FGF14: variants seen among roughly 807,000 people sequenced by gnomAD.
FGF14 encodes the protein fibroblast growth factor 14.
A neutral mutation model predicts 25.5 loss-of-function variants in FGF14; 5 were observed. The observed-to-expected ratio is 0.20, with a 90% CI of 0.10 to 0.41. The LOEUF is 0.41. FGF14 is among the 10% of genes least tolerant of loss of function. The probability of loss-of-function intolerance (pLI) is 1.00; values close to 1 mark genes in which losing one functional copy is unlikely to be tolerated. For synonymous variants in FGF14, 138 were observed against 118.3 expected (o/e 1.17, Z -1.08); for missense variants, 222 against 320.1 (o/e 0.69, Z 2.34).
At chr13:101,964,460 C>T (rs1405723281) in intron 1 of FGF14, among the ~76,000 whole-genome samples, 3 of 152,166 alleles carry the variant, frequency 2.0e-5, no homozygotes, top group African/African-American at 7.2e-5. Flanking sequence ...GAACAGCCTG[C>T]TTTGCAAGGG....
At chr13:102,341,707 C>T (rs1490214756) in intron 1 of FGF14, among the ~76,000 whole-genome samples, 1 of 151,244 alleles carries the variant, frequency 6.6e-6, no homozygotes, top group East Asian at 1.9e-4. Context: ...AGACAGAAAG[C>T]TGACATACAG....
intron 3 of FGF14, among the ~76,000 whole-genome samples, chr13:101,784,276 A>T (rs1403280910): frequency 6.6e-6 from 1 of 152,170 alleles, no homozygotes; most frequent in African/African-American, 2.4e-5. Flanking sequence ...TCTGATCTTA[A>T]CTTCTATTAT....
chr13:102,261,552 T>C (rs2141118582), intron 1 of FGF14, among the ~76,000 whole-genome samples: 1 of 152,290 alleles, frequency 6.6e-6, no homozygotes, highest in South Asian at 2.1e-4. Flanking sequence ...CTACCCTCTC[T>C]TTCCCAAACC....
At chr13:102,269,604 G>T (rs1004028013) in intron 1 of FGF14, among the ~76,000 whole-genome samples, 3 of 151,868 alleles carry the variant, frequency 2.0e-5, no homozygotes. Flanking sequence ...GCTCAAGCTT[G>T]CCTTGAACTC....
chr13:102,093,116 A>T (rs1030584665), intron 1 of FGF14, among the ~76,000 whole-genome samples: 1 of 152,172 alleles, frequency 6.6e-6, no homozygotes, highest in Non-Finnish European at 1.5e-5. Flanking sequence ...GTTTTCAATA[A>T]ATGTATTAGA....
intron 1 of FGF14, among the ~76,000 whole-genome samples, chr13:102,059,667 G>A (rs950135824): frequency 6.6e-6 from 1 of 152,076 alleles, no homozygotes; most frequent in Non-Finnish European, 1.5e-5. Flanking sequence ...CATGGCCAAC[G>A]TGGTGAAACC....
intron 1 of FGF14, chr13:102,394,560 A>G (rs954131332): frequency 1.3e-5 from 2 of 152,278 alleles, no homozygotes; most frequent in Non-Finnish European, 2.9e-5. Flanking sequence ...CCCTAGGGTC[A>G]GAGGTCATCT....
intron 1 of FGF14, among the ~76,000 whole-genome samples, chr13:102,359,446 T>C (rs1288752377): frequency 2.0e-5 from 3 of 152,226 alleles, no homozygotes; most frequent in Non-Finnish European, 4.4e-5. Context: ...TCTGGCCACA[T>C]TTTGATGATG....
In FGF14 at chr13:102,046,622, A is replaced by G. The variant is rs532890852; in HGVS notation, c.209-171326T>C. ...TCATTGTTCCTACCTCAAATGACAC[A>G]ATTAACAAATTGTGAGTGCTGACGG... On this transcript the variant is annotated intron_variant, in intron 1 of 4. Transcript: ENST00000376131. Among the ~76,000 whole-genome samples, 34 of 152,314 alleles carry G rather than the reference A, an allele frequency of 2.2e-4. 1 individual carries two copies. Among genetic ancestry groups the G allele is most frequent in the Admixed American group, 1.8e-3 (28 of 15,294 alleles).
chr13:102,278,597 TGTAA>T (rs1444975375), intron 1 of FGF14, among the ~76,000 whole-genome samples: 7 of 151,296 alleles, frequency 4.6e-5, no homozygotes, highest in Admixed American at 2.0e-4. Context: ...GTGTAAGCAA[TGTAA>T]GTGTCACTCT....
chr13:101,873,315 A>G (rs763472725), intron 2 of FGF14, among the ~76,000 whole-genome samples: 5 of 152,164 alleles, frequency 3.3e-5, no homozygotes, highest in Non-Finnish European at 7.4e-5. Flanking sequence ...CTAGAGAAAA[A>G]ACACATAAAA....
chr13:102,080,540 C>T (rs1229285667), intron 1 of FGF14, among the ~76,000 whole-genome samples: 2 of 152,324 alleles, frequency 1.3e-5, no homozygotes, highest in Admixed American at 6.5e-5. Flanking sequence ...ATTTAATAAT[C>T]ACTCTCTTGA....
chr13:102,401,741 T>C (rs918838277), exon 1 of FGF14: 24 of 1,352,808 alleles, frequency 1.8e-5, no homozygotes, highest in Non-Finnish European at 2.3e-5. Context: ...TATATTTCTT[T>C]GAGACTTCTC....
At position 101,712,143 on chromosome 13, in the gene FGF14, T is replaced by G. The variant is rs1159631944; in HGVS notation, c.*10688A>C. The G allele has an allele frequency of 6.6e-6, 1 of 152,250 alleles. No homozygotes were observed. Among genetic ancestry groups the G allele is most frequent in the Non-Finnish European group, 1.5e-5 (1 of 68,052 alleles). The allele number at this position is 152,250 out of a possible 1,614,324, so 9.4% of individuals were successfully genotyped here. ...CTATTCACACTGTGTTATTACTATG[T>G]GCTATCTAGTTCTAGTTTCACAAGC... On this transcript the variant is annotated 3_prime_UTR_variant, in exon 5 of 5. Coordinates refer to ENST00000376143, the MANE Select transcript of FGF14 (RefSeq NM_004115.4).
chr13:101,989,915 G>C (rs1328247107), intron 1 of FGF14, among the ~76,000 whole-genome samples: 1 of 152,052 alleles, frequency 6.6e-6, no homozygotes, highest in Non-Finnish European at 1.5e-5. Context: ...TTCTTGCCAA[G>C]TTCTCTGTAT....
chr13:101,898,341 A>AACAC (rs55676818), intron 1 of FGF14, among the ~76,000 whole-genome samples: 34,697 of 144,194 alleles, frequency 0.24, 4,383 homozygotes, highest in Middle Eastern at 0.34. Context: ...TGAAACATAC[A>AACAC]ACACACACAC....
rs1408230422 is a variant in FGF14 at position 101,716,721 on chromosome 13, G to A, written c.*6110C>T. Reference sequence around the variant, plus strand: ...ATACCTTACTTACTGGAAACCTGGGGTCATGCAAAGAAGTCAAGACGAGAA... The same window carrying A: ...ATACCTTACTTACTGGAAACCTGGGATCATGCAAAGAAGTCAAGACGAGAA... On this transcript the variant is annotated 3_prime_UTR_variant, in exon 5 of 5. Coordinates refer to ENST00000376143, the MANE Select transcript of FGF14 (RefSeq NM_004115.4). 1.3e-5 allele frequency: 2 copies of A among 149,850 alleles called. No homozygotes were observed. The highest frequency in any genetic ancestry group is 1.3e-4 in the Admixed American group (2 of 14,960). The allele number at this position is 149,850 out of a possible 1,614,324, so 9.3% of individuals were successfully genotyped here. A position where few individuals can be genotyped will look rare whatever the true frequency, so the allele number is the denominator to read the frequency against.
intron 1 of FGF14, among the ~76,000 whole-genome samples, chr13:102,378,619 C>CTATATATA (rs1266105817): frequency 1.5e-5 from 2 of 132,720 alleles, no homozygotes; most frequent in Non-Finnish European, 3.2e-5. Context: ...ATCTATCTAT[C>CTATATATA]TATCTATCTA....
intron 1 of FGF14, among the ~76,000 whole-genome samples, chr13:102,147,806 G>C (rs960563243): frequency 1.3e-5 from 2 of 152,140 alleles, no homozygotes; most frequent in Admixed American, 6.5e-5. Flanking sequence ...GTGATCTCAA[G>C]TTTGTCTCAT....
Sources: allele counts gnomAD v4.1 joint callset (sites outside exome capture counted in the v4.1 genomes callset), GRCh38; gene constraint gnomAD v4.1.1; transcripts MANE v1.5; gene names NCBI Gene and HGNC (gene_info 2026-07-23, HGNC 2026-07-21).